BPTF: variants seen among roughly 807,000 people sequenced by gnomAD.
BPTF encodes the protein nucleosome-remodeling factor subunit BPTF.
In BPTF, 18 loss-of-function variants were observed where a neutral mutation model predicts 292.5. The ratio of observed to expected loss-of-function variants is 0.06; its 90% CI spans 0.04 to 0.09. The LOEUF (loss-of-function observed/expected upper bound fraction) is 0.09. Among genes scored for constraint, BPTF ranks in the 10% least tolerant of loss-of-function variants. The pLI, the probability that BPTF is intolerant of heterozygous loss-of-function variation, is 1.00. For synonymous variants in BPTF, 1,225 were observed against 1,251.9 expected (o/e 0.98, Z 0.45); for missense variants, 2,726 against 3,498.7 (o/e 0.78, Z 5.57).
intron 1 of BPTF, among the ~76,000 whole-genome samples, chr17:67,845,818 A>C (rs188368215): frequency 4.0e-5 from 6 of 149,864 alleles, no homozygotes; most frequent in Admixed American, 6.7e-5. Context: ...CTATGTATTT[A>C]TATAAATGTA....
At position 67,976,714 on chromosome 17, in the gene BPTF, A is replaced by AAAAAAAAAAAG. The variant is rs1555694156; in HGVS notation, c.8726+757_8726+758insAAAAAAAAAGA. Among the ~76,000 whole-genome samples the AAAAAAAAAAAG allele has an allele frequency of 2.3e-4, 27 of 116,580 alleles. 2 individuals carry two copies. The highest frequency in any genetic ancestry group is 9.3e-4 in the African/African-American group (26 of 28,106). The allele number at this position is 116,580 out of a possible 152,430, so 76.5% of individuals were successfully genotyped here. A position where few individuals can be genotyped will look rare whatever the true frequency, so the allele number is the denominator to read the frequency against. On this transcript the variant is annotated intron_variant, in intron 27 of 27. Transcript: ENST00000306378. ...AAAAAAAAAAAAAAAAAAAAAAAAAAATAAGAATAAAAGAAGAATTTCCTG... is the reference window on the plus strand; with the variant it reads ...AAAAAAAAAAAAAAAAAAAAAAAAAAAAAAAAAAAAGATAAGAATAAAAGAAGAATTTCCTG...
At chr17:67,972,588 GA>G (rs1472864599) in intron 26 of BPTF, among the ~76,000 whole-genome samples, 4 of 152,142 alleles carry the variant, frequency 2.6e-5, no homozygotes, top group Non-Finnish European at 5.9e-5. Flanking sequence ...AAGTTTCATA[GA>G]TTTTTTGGCA....
intron 7 of BPTF, among the ~76,000 whole-genome samples, chr17:67,897,702 C>T (rs972406452): frequency 1.3e-5 from 2 of 152,150 alleles, no homozygotes; most frequent in African/African-American, 4.8e-5. Flanking sequence ...ATCACTGCAC[C>T]TGTCATTAAG....
intron 26 of BPTF, among the ~76,000 whole-genome samples, chr17:67,968,212 A>C (rs1257904371): frequency 2.0e-5 from 3 of 151,550 alleles, no homozygotes; most frequent in Non-Finnish European, 4.4e-5. Context: ...AAGCCAGCTA[A>C]GCATTTTTTT....
intron 15 of BPTF, among the ~76,000 whole-genome samples, chr17:67,926,316 C>CCT (rs2063887087): frequency 1.2e-5 from 1 of 83,856 alleles, no homozygotes; most frequent in Non-Finnish European, 2.3e-5. Flanking sequence ...TAATATACTA[C>CCT]TTTTTTTTTT....
intron 4 of BPTF, among the ~76,000 whole-genome samples, chr17:67,883,170 G>T (rs1425183797): frequency 6.6e-6 from 1 of 152,076 alleles, no homozygotes; most frequent in East Asian, 1.9e-4. Flanking sequence ...AACAAAATTA[G>T]CCGGGCGTGA....
chr17:67,853,579 T>C (rs2058537737), intron 1 of BPTF, among the ~76,000 whole-genome samples: 1 of 151,660 alleles, frequency 6.6e-6, no homozygotes, highest in Non-Finnish European at 1.5e-5. Flanking sequence ...TGTCAAATCA[T>C]TCACAAATGC....
At chr17:67,844,338 C>T (rs1373821792) in intron 1 of BPTF, among the ~76,000 whole-genome samples, 1 of 151,188 alleles carries the variant, frequency 6.6e-6, no homozygotes, top group Non-Finnish European at 1.5e-5. Flanking sequence ...AGCTCTATCT[C>T]CTAGGTTCAC....
Position 67,909,594 on chromosome 17 carries a change from T to C in BPTF, c.2825T>C (p.Met942Thr). ...RKSLEGTKNN[M>T]DENMDESDKR... The stretch of plus-strand genomic sequence containing the variant: ...TGGTTCTTTTTAGCCAAAAATAATA[T>C]GGATGAAAATATGGATGAGTCAGAT... Residue 942 changes from methionine (M) to threonine (T), a missense_variant, in exon 10 of 28, where the codon ATG (methionine) becomes ACG (threonine). By Grantham distance (81) the Met-to-Thr change is moderately conservative. This residue lies in a region of BPTF where 713 missense variants were observed against 714.9 expected (regional missense o/e 1.00). Transcript: ENST00000306378. The C allele has an allele frequency of 1.9e-6, 3 of 1,551,940 alleles. No individual in the cohort carries two copies. Among genetic ancestry groups the C allele is most frequent in the Middle Eastern group, 3.7e-4 (2 of 5,468 alleles).
At chr17:67,896,241 C>T (rs897324858) in intron 7 of BPTF, among the ~76,000 whole-genome samples, 29 of 152,314 alleles carry the variant, frequency 1.9e-4, no homozygotes, top group African/African-American at 6.7e-4. Flanking sequence ...GGATTACAGG[C>T]ATGAGTGACT....
chr17:67,979,993 C>G (rs545231549), intron 27 of BPTF, among the ~76,000 whole-genome samples: 9 of 151,934 alleles, frequency 5.9e-5, no homozygotes, highest in Admixed American at 3.9e-4. Context: ...GATCGCACCA[C>G]TACACTCTAG....
rs140673996 is a variant in BPTF, at chr17:67,911,900, G to C, written c.4016G>C (p.Gly1339Ala). Residue 1339 changes from glycine (G) to alanine (A), a missense_variant, in exon 11 of 28, where the codon GGT becomes GCT. By Grantham distance (60) the Gly-to-Ala change is moderately conservative (BLOSUM62 0). Around this residue, in one of 22 missense-constraint regions of BPTF, gnomAD observed 713 missense variants for 714.9 expected, o/e 1.00. Coordinates refer to ENST00000306378, the MANE Select transcript of BPTF (RefSeq NM_182641.4). ...LEPLKCELVS[G>A]ESTGNCEDRL... is the part of the protein sequence containing the mutation. ...CCGTTAAAGTGTGAGTTGGTTTCTGGTGAGTCCACTGGAAACTGTGAGGAC... is the reference window on the plus strand; with the variant it reads ...CCGTTAAAGTGTGAGTTGGTTTCTGCTGAGTCCACTGGAAACTGTGAGGAC... 2.5e-6 allele frequency: 4 copies of C among 1,613,964 alleles called. No homozygotes were observed. The African/African-American group carries it at 5.3e-5, about 22-fold the overall frequency.
intron 23 of BPTF, among the ~76,000 whole-genome samples, chr17:67,949,695 A>G (rs2066125903): frequency 6.6e-6 from 1 of 152,038 alleles, no homozygotes; most frequent in Non-Finnish European, 1.5e-5. Flanking sequence ...ATACATATAT[A>G]TATACACACA....
At position 67,839,183 on chromosome 17, in the gene BPTF, ATGTT is replaced by A. The variant is rs1567870337; in HGVS notation, c.613+12847_613+12850del. On this transcript the variant is annotated intron_variant, in intron 1 of 27. Coordinates refer to ENST00000306378, the MANE Select transcript of BPTF (RefSeq NM_182641.4). ...TGCATTGTGTACCACCTCCAAAGCA[ATGTT>A]AAATGTTAGTTATAACGATAGGCAT... 1.7e-3 allele frequency among the ~76,000 whole-genome samples: 262 copies of A among 152,236 alleles called. 1 individual carries two copies. Among genetic ancestry groups the A allele is most frequent in the African/African-American group, 6.1e-3 (254 of 41,502 alleles).
intron 1 of BPTF, among the ~76,000 whole-genome samples, chr17:67,847,607 A>G (rs2058117753): frequency 6.6e-6 from 1 of 151,060 alleles, no homozygotes; most frequent in African/African-American, 2.4e-5. Context: ...CCCAGGAGGC[A>G]GAGCTTGCAG....
chr17:67,897,125 G>A (rs1283822298), intron 7 of BPTF, among the ~76,000 whole-genome samples: 1 of 151,256 alleles, frequency 6.6e-6, no homozygotes, highest in African/African-American at 2.4e-5. Context: ...TCGGGAATTC[G>A]AGACCAGCCT....
chr17:67,913,227 T>C lies in BPTF; in HGVS notation c.5303+40T>C, dbSNP rs199605359. On this transcript the variant is annotated intron_variant, in intron 11 of 27. Coordinates refer to ENST00000306378, the MANE Select transcript of BPTF (RefSeq NM_182641.4). ...ATGTATTTGGGGGAGGGAGAAAATT[T>C]TAAAAAGAATTATCTCACAAGAATA... 2.6e-6 allele frequency: 4 copies of C among 1,513,544 alleles called. No homozygotes were observed. The East Asian group carries it at 6.8e-5, about 26-fold the overall frequency. 93.8% of individuals were successfully genotyped at this position (1,513,544 alleles called of 1,614,324 possible).
chr17:67,875,099 A>G, intron 4 of BPTF, 79 bp downstream of exon 4: 1 of 1,261,926 alleles, frequency 7.9e-7, no homozygotes, highest in Non-Finnish European at 1.1e-6. Flanking sequence ...GCAAAATGAA[A>G]GTGAAATATT....
At chr17:67,838,480 C>G (rs141357727) in intron 1 of BPTF, among the ~76,000 whole-genome samples, 1 of 152,092 alleles carries the variant, frequency 6.6e-6, no homozygotes, top group African/African-American at 2.4e-5. Context: ...TGTGTATGTA[C>G]ATACTTTTTT....
Sources: allele counts gnomAD v4.1 joint callset (sites outside exome capture counted in the v4.1 genomes callset), GRCh38; gene constraint gnomAD v4.1.1; regional missense constraint gnomAD v4.1.1; transcripts MANE v1.5; gene names NCBI Gene and HGNC (gene_info 2026-07-23, HGNC 2026-07-21).